Variants in ATG10 observed in about 807,000 individuals in gnomAD.
The protein encoded by ATG10 is ubiquitin-like-conjugating enzyme ATG10.
In ATG10, 30 loss-of-function variants were observed where a neutral mutation model predicts 32.1. The observed-to-expected ratio is 0.94, with a 90% confidence interval of 0.70 to 1.27. ATG10 has a LOEUF of 1.27. Among genes scored for constraint, ATG10 ranks in the 50% most tolerant of loss-of-function variants. ATG10 has a pLI of 0.00. For synonymous variants in ATG10, 87 were observed against 91.5 expected, an observed-to-expected ratio of 0.95 and a Z score of 0.28; for missense variants, 233 against 262.3, an observed-to-expected ratio of 0.89 and a Z score of 0.77.
At chr5:82,032,403 T>C (rs1005913983) in intron 2 of ATG10, among the ~76,000 whole-genome samples, 1 of 152,216 alleles carries the variant, frequency 6.6e-6, no homozygotes, top group Non-Finnish European at 1.5e-5. Context: ...AATTCTTTGA[T>C]TGATCTTTTT....
At chr5:82,198,502 T>C (rs1403675216) in intron 5 of ATG10, among the ~76,000 whole-genome samples, 1 of 152,312 alleles carries the variant, frequency 6.6e-6, no homozygotes, top group East Asian at 1.9e-4. Context: ...TCAAGTGATC[T>C]GCCTGTCCCA....
At chr5:82,035,349 C>T (rs1473884838) in intron 2 of ATG10, among the ~76,000 whole-genome samples, 3 of 152,312 alleles carry the variant, frequency 2.0e-5, no homozygotes, top group African/African-American at 7.2e-5. Flanking sequence ...CTGTTTTGTT[C>T]ACTGCTGTAT....
chr5:82,030,662 A>C (rs1762719246), intron 2 of ATG10, among the ~76,000 whole-genome samples: 1 of 152,160 alleles, frequency 6.6e-6, no homozygotes. Context: ...TTCATACAAG[A>C]TTTCCTTTCT....
chr5:82,096,182 G>A (rs568377845), intron 3 of ATG10, among the ~76,000 whole-genome samples: 1 of 152,244 alleles, frequency 6.6e-6, no homozygotes, highest in South Asian at 2.1e-4. Context: ...AGTCTGTCTG[G>A]GTTTGGAATA....
intron 3 of ATG10, among the ~76,000 whole-genome samples, chr5:82,090,745 A>G (rs533200096): frequency 6.6e-6 from 1 of 152,324 alleles, no homozygotes; most frequent in South Asian, 2.1e-4. Flanking sequence ...ATTTTGCAGT[A>G]TAATTTTGCG....
chr5:82,187,639 C>T (rs567704267), intron 5 of ATG10, among the ~76,000 whole-genome samples: 7 of 151,436 alleles, frequency 4.6e-5, no homozygotes, highest in Admixed American at 1.3e-4. Context: ...AGTGCAGTGG[C>T]GCGATCTCTG....
In ATG10 at chr5:82,238,101, C is replaced by T. The variant is rs548729632; in HGVS notation, c.454-14461C>T. Among the ~76,000 whole-genome samples, 25 of 152,288 alleles carry T rather than the reference C, an allele frequency of 1.6e-4. 1 individual carries two copies. The South Asian group carries it at 5.2e-3, about 32-fold the overall frequency. On this transcript the variant is annotated intron_variant, in intron 5 of 7. Transcript: ENST00000282185. ...TGGGCCACCTCTGCATCGAAGTTTT[C>T]CTTTATTTTACTGGTGAGCTCCTCT...
chr5:82,070,576 T>C (rs916651757), intron 3 of ATG10, among the ~76,000 whole-genome samples: 7 of 152,158 alleles, frequency 4.6e-5, no homozygotes, highest in African/African-American at 1.7e-4. Context: ...ACATTCTTTG[T>C]ATATTCTTTT....
chr5:82,074,587 T>C (rs928492039), intron 3 of ATG10, among the ~76,000 whole-genome samples: 4 of 152,142 alleles, frequency 2.6e-5, no homozygotes, highest in Admixed American at 2.6e-4. Context: ...GCTTTGTTGG[T>C]TATGTGGAAG....
chr5:82,204,555 G>T (rs1192166345), intron 5 of ATG10, among the ~76,000 whole-genome samples: 1 of 152,144 alleles, frequency 6.6e-6, no homozygotes, highest in Non-Finnish European at 1.5e-5. Context: ...GCATGTTCTG[G>T]CTATAGAATG....
At chr5:81,993,331 C>CTTT (rs1275382719) in intron 2 of ATG10, among the ~76,000 whole-genome samples, 5,627 of 80,830 alleles carry the variant, frequency 0.07, 255 homozygotes, top group East Asian at 0.1. Flanking sequence ...TTCTTTCCTT[C>CTTT]CTTCCTTCTT....
At chr5:82,185,114 G>A (rs1010963205) in intron 5 of ATG10, among the ~76,000 whole-genome samples, 15 of 152,180 alleles carry the variant, frequency 9.9e-5, no homozygotes, top group Admixed American at 4.6e-4. Context: ...ACATGAGCAC[G>A]TACACATACA....
At chr5:81,996,502 A>G (rs921076474) in intron 2 of ATG10, among the ~76,000 whole-genome samples, 1 of 152,168 alleles carries the variant, frequency 6.6e-6, no homozygotes. Flanking sequence ...GGCTTCCCAA[A>G]GTGCTGGGAT....
At chr5:82,164,322 A>T in intron 3 of ATG10, 77 bp from the exon 4 acceptor site, 76 of 982,804 alleles carry the variant, frequency 7.7e-5, no homozygotes, top group Non-Finnish European at 1.1e-4. Context: ...TGAGAAGAAA[A>T]TCTCCTCTTT....
chr5:82,200,257 T>A (rs1745012222), intron 5 of ATG10, among the ~76,000 whole-genome samples: 1 of 152,150 alleles, frequency 6.6e-6, no homozygotes, highest in Non-Finnish European at 1.5e-5. Context: ...CTGGGAATTC[T>A]AGTTCCTCCA....
chr5:82,228,986 T>C (rs1581828289), intron 5 of ATG10, among the ~76,000 whole-genome samples: 1 of 152,236 alleles, frequency 6.6e-6, no homozygotes, highest in South Asian at 2.1e-4. Context: ...GAAAGTCGAT[T>C]TGACTTGTGT....
intron 5 of ATG10, among the ~76,000 whole-genome samples, chr5:82,231,019 G>A (rs1746350263): frequency 6.6e-6 from 1 of 152,160 alleles, no homozygotes; most frequent in Non-Finnish European, 1.5e-5. Flanking sequence ...AGAGGCCCTA[G>A]TCTGAAGCGT....
chr5:82,110,485 C>T (rs1459630562), intron 3 of ATG10, among the ~76,000 whole-genome samples: 55 of 152,108 alleles, frequency 3.6e-4, no homozygotes, highest in East Asian at 1.2e-3. Context: ...TTTTAATGAT[C>T]GCCATTCTAA....
chr5:82,014,310 T>A (rs567143325), intron 2 of ATG10, among the ~76,000 whole-genome samples: 8 of 152,178 alleles, frequency 5.3e-5, no homozygotes, highest in African/African-American at 1.9e-4. Context: ...ATTCTGTTGA[T>A]TTGGGGTGGA....
Sources: gnomAD v4.1 joint callset for allele counts (sites outside exome capture counted in the v4.1 genomes callset) on GRCh38, gnomAD v4.1.1 for gene constraint, MANE v1.5 for transcripts, NCBI Gene and HGNC (gene_info 2026-07-23, HGNC 2026-07-21) for gene names.